The following ALMS1 variants were observed in gnomAD, a reference collection of about 807,000 sequenced individuals.
ALMS1 encodes ALMS1 centrosome and basal body associated protein, also known as centrosome-associated protein ALMS1.
Under a neutral mutation model 352.2 loss-of-function variants are expected in ALMS1, and 271 were observed. That is an observed-to-expected ratio of 0.77 (90% CI 0.70 to 0.85). The LOEUF (loss-of-function observed/expected upper bound fraction) is 0.85. ALMS1 is among the 40% of genes least tolerant of loss of function. ALMS1 has a pLI of 0.00. For missense variants in ALMS1, 5,445 were observed against 4,870.7 expected (o/e 1.12, Z -3.51); for synonymous variants, 1,865 against 1,761.2 (o/e 1.06, Z -1.48).
At chr2:73,404,529 T>C (rs1378696352) in intron 1 of ALMS1, among the ~76,000 whole-genome samples, 2 of 152,108 alleles carry the variant, frequency 1.3e-5, no homozygotes, top group Admixed American at 1.3e-4. Flanking sequence ...TTCGGTTTCA[T>C]TTGAGATGAT....
At position 73,448,329 on chromosome 2, in the gene ALMS1, T is replaced by A; in HGVS notation, c.1802T>A (p.Val601Asp). 1 of 1,613,864 alleles carries A rather than the reference T, an allele frequency of 6.2e-7. No homozygotes were observed. The highest frequency in any genetic ancestry group is 8.5e-7 in the Non-Finnish European group (1 of 1,179,894). Residue 601 changes from valine to aspartate, a missense_variant, in exon 8 of 23, where the codon GTT becomes GAT. Physicochemically the swap from Val to Asp is radical, Grantham distance 152. Coordinates refer to ENST00000613296, the MANE Select transcript of ALMS1 (RefSeq NM_001378454.1). ...CATCTAACTGAAGAGGCTTTGAAAGTTTCAGCTGCTCCTGGACTAGCTGAC... is the reference window on the plus strand; with the variant it reads ...CATCTAACTGAAGAGGCTTTGAAAGATTCAGCTGCTCCTGGACTAGCTGAC... ...DSHLTEEALK[V>D]SAAPGLADQT... is the part of the protein sequence containing the mutation.
chr2:73,469,181 C>T (rs1672417467), intron 9 of ALMS1, among the ~76,000 whole-genome samples: 1 of 151,144 alleles, frequency 6.6e-6, no homozygotes, highest in Non-Finnish European at 1.5e-5. Flanking sequence ...AATAACTCAA[C>T]AAGTTTAGAA....
At chr2:73,395,078 A>ATATATATT (rs1243905312) in intron 1 of ALMS1, among the ~76,000 whole-genome samples, 1 of 101,352 alleles carries the variant, frequency 9.9e-6, no homozygotes, top group Non-Finnish European at 1.8e-5. Flanking sequence ...ATATATATAT[A>ATATATATT]TTTTTTTTTT....
chr2:73,487,627 T>G (rs962323914), intron 9 of ALMS1, among the ~76,000 whole-genome samples: 3 of 152,206 alleles, frequency 2.0e-5, no homozygotes, highest in African/African-American at 7.2e-5. Flanking sequence ...CCTGTTTGTG[T>G]TACAGCTCTT....
At chr2:73,412,597 C>G (rs1012379471) in intron 2 of ALMS1, among the ~76,000 whole-genome samples, 1 of 152,036 alleles carries the variant, frequency 6.6e-6, no homozygotes. Flanking sequence ...TGAGACCAGC[C>G]TGGCCAATAT....
Position 73,451,751 on chromosome 2 carries a change from C to G in ALMS1, c.5224C>G (p.Pro1742Ala), listed in dbSNP as rs974257850. The G allele has an allele frequency of 6.2e-7, 1 of 1,614,066 alleles. No individual in the cohort carries two copies. Among genetic ancestry groups the G allele is most frequent in the Non-Finnish European group, 8.5e-7 (1 of 1,179,994 alleles). The change falls in exon 8 of 23, where the codon CCT becomes GCT. Residue 1742 changes from proline to alanine, a missense_variant. Transcript: ENST00000613296. ...TQEALKVSAV[P>A]QPADQKTGLS... ...AGAAGCTCTGAAAGTTTCAGCTGTT[C>G]CTCAACCAGCTGACCAGAAGACTGG...
Position 73,449,107 on chromosome 2 carries a change from C to G in ALMS1, c.2580C>G (p.Ser860=). ...CTGTAACCTCTACTTCCTCTGCGTCCTCTTCACTTGGAGAAAAGCCCAGTG... is the reference window on the plus strand; with the variant it reads ...CTGTAACCTCTACTTCCTCTGCGTCGTCTTCACTTGGAGAAAAGCCCAGTG... ...TPAVTSTSSA[S]SSLGEKPSAF... Residue 860 remains serine (S), a synonymous_variant, in exon 8 of 23, where the codon TCC becomes TCG. Coordinates refer to ENST00000613296, the MANE Select transcript of ALMS1 (RefSeq NM_001378454.1). 6.2e-7 allele frequency: 1 copy of G among 1,613,938 alleles called. No individual in the cohort carries two copies. The highest frequency in any genetic ancestry group is 8.5e-7 in the Non-Finnish European group (1 of 1,179,962).
chr2:73,572,972 T>A lies in ALMS1; in HGVS notation c.11095T>A (p.Ser3699Thr). 1 of 1,614,142 alleles carries A rather than the reference T, an allele frequency of 6.2e-7. No individual in the cohort carries two copies. Among genetic ancestry groups the A allele is most frequent in the Non-Finnish European group, 8.5e-7 (1 of 1,180,016 alleles). Residue 3699 changes from serine (S) to threonine (T), a missense_variant, in exon 16 of 23, where the codon TCT becomes ACT. Transcript: ENST00000613296. The stretch of plus-strand genomic sequence containing the variant: ...CGAGCTTAAAAAAAGCAAGGTGCTT[T>A]CTCATCATCGAGCTGGGAGGTCTAA... Reference protein sequence around the residue: ...TGELKKSKVLSHHRAGRSNQI... With the variant: ...TGELKKSKVLTHHRAGRSNQI...
At chr2:73,403,171 G>A (rs1670904717) in intron 1 of ALMS1, among the ~76,000 whole-genome samples, 1 of 152,134 alleles carries the variant, frequency 6.6e-6, no homozygotes, top group Non-Finnish European at 1.5e-5. Context: ...AAGTCTTCAT[G>A]TTGAGTTCTT....
chr2:73,506,857 G>T (rs72811933), intron 10 of ALMS1, among the ~76,000 whole-genome samples: 9,092 of 152,232 alleles, frequency 0.06, 434 homozygotes, highest in East Asian at 0.22. Flanking sequence ...CATTGTGTCG[G>T]TTTTCAAAGG....
intron 16 of ALMS1, among the ~76,000 whole-genome samples, chr2:73,581,416 G>T (rs1423780196): frequency 6.6e-6 from 1 of 152,198 alleles, no homozygotes; most frequent in Non-Finnish European, 1.5e-5. Flanking sequence ...TTTGGGAGCA[G>T]GTACCTACAT....
intron 6 of ALMS1, among the ~76,000 whole-genome samples, chr2:73,427,759 T>C (rs979613551): frequency 3.9e-5 from 6 of 152,186 alleles, no homozygotes; most frequent in African/African-American, 1.4e-4. Context: ...TCTGGTCCCG[T>C]TGAATGAATA....
At chr2:73,481,273 C>G (rs1470769896) in intron 9 of ALMS1, among the ~76,000 whole-genome samples, 1 of 152,168 alleles carries the variant, frequency 6.6e-6, no homozygotes, top group Non-Finnish European at 1.5e-5. Flanking sequence ...AGGAAGGGAT[C>G]CAGTTTCAGC....
chr2:73,430,088 T>G (rs530836191), intron 6 of ALMS1, among the ~76,000 whole-genome samples: 1 of 151,270 alleles, frequency 6.6e-6, no homozygotes, highest in South Asian at 2.1e-4. Context: ...TTTTTTTTTT[T>G]TTTTTTGAGA....
chr2:73,600,096 A>G (rs1675641192), intron 17 of ALMS1, among the ~76,000 whole-genome samples: 1 of 152,238 alleles, frequency 6.6e-6, no homozygotes, highest in South Asian at 2.1e-4. Context: ...AGTGTATAGC[A>G]TACTACAATA....
chr2:73,604,726 T>G (rs1357473758), intron 21 of ALMS1, among the ~76,000 whole-genome samples: 1 of 152,212 alleles, frequency 6.6e-6, no homozygotes, highest in African/African-American at 2.4e-5. Context: ...TGAGACCCTT[T>G]CAGGCAATTT....
intron 13 of ALMS1, among the ~76,000 whole-genome samples, chr2:73,551,951 G>A (rs1674445843): frequency 6.6e-6 from 1 of 152,112 alleles, no homozygotes; most frequent in South Asian, 2.1e-4. Flanking sequence ...TTAAATGTAG[G>A]GTGGCTCTAT....
At position 73,577,468 on chromosome 2, in the gene ALMS1, TG is replaced by T. The variant is rs1215113137; in HGVS notation, c.11547+4045del. 3.3e-5 allele frequency among the ~76,000 whole-genome samples: 5 copies of T among 152,226 alleles called. No homozygotes were observed. In the East Asian group the frequency reaches 9.7e-4, roughly 29 times the overall value. On this transcript the variant is annotated intron_variant, in intron 16 of 22. Transcript: ENST00000613296. ...TATTCTGCTTGCTTTGGATTTAGTA[TG>T]TTTTTTTTTCTTCTCATTTCTTATG...
Position 73,543,264 on chromosome 2 carries a change from G to A in ALMS1, c.9908-7003G>A, listed in dbSNP as rs569302991. Among the ~76,000 whole-genome samples, 31 of 152,344 alleles carry A rather than the reference G, an allele frequency of 2.0e-4. No individual in the cohort carries two copies. The East Asian group carries it at 4.6e-3, about 23-fold the overall frequency. Reference sequence around the variant, plus strand: ...AAACCTGAGAAAAACAAGCAATGGGGAAAGGATTCCCTATTTAATAAATGG... The same window carrying A: ...AAACCTGAGAAAAACAAGCAATGGGAAAAGGATTCCCTATTTAATAAATGG... On this transcript the variant is annotated intron_variant, in intron 12 of 22. Coordinates refer to ENST00000613296, the MANE Select transcript of ALMS1 (RefSeq NM_001378454.1).
Sources: gnomAD v4.1 joint callset for allele counts (sites outside exome capture counted in the v4.1 genomes callset) on GRCh38, gnomAD v4.1.1 for gene constraint, MANE v1.5 for transcripts, NCBI Gene and HGNC (gene_info 2026-07-23, HGNC 2026-07-21) for gene names.